QRICH1: variants seen among roughly 807,000 people sequenced by gnomAD.
QRICH1 encodes glutamine rich 1.
In QRICH1, 16 loss-of-function variants were observed where a neutral mutation model predicts 87.1. That is an observed-to-expected ratio of 0.18 (90% confidence interval 0.12 to 0.28). The LOEUF is 0.28. QRICH1 is among the 10% of genes least tolerant of loss of function. The pLI is 1.00. For synonymous variants in QRICH1, 367 were observed against 368.4 expected (o/e 1.00, Z 0.05); for missense variants, 647 against 951.7 (o/e 0.68, Z 4.21).
intron 7 of QRICH1, 172 bp downstream of exon 7, chr3:49,032,948 T>C (rs1575319379): frequency 1.1e-6 from 1 of 948,042 alleles, no homozygotes. Flanking sequence ...GGTAGGGGTC[T>C]GGCAAGGGTG....
rs776957232 is a variant in QRICH1 at position 49,057,232 on chromosome 3, T to C, written c.968A>G (p.Gln323Arg). 1 of 1,614,200 alleles carries C rather than the reference T, an allele frequency of 6.2e-7. No homozygotes were observed. The highest frequency in any genetic ancestry group is 1.1e-5 in the South Asian group (1 of 91,082). Residue 323 changes from glutamine (Q) to arginine (R), a missense_variant, in exon 3 of 10, where the codon CAG (glutamine) becomes CGG (arginine). Physicochemically the swap from Gln to Arg is conservative, Grantham distance 43 (BLOSUM62 1). Around this residue, in one of 7 missense-constraint regions of QRICH1, gnomAD observed 75 missense variants for 141.0 expected, o/e 0.53. Coordinates refer to ENST00000395443, the MANE Select transcript of QRICH1 (RefSeq NM_198880.3). The surrounding 1 kb of genome is among the most constrained non-coding windows in gnomAD (Gnocchi z 5.4). ...GGCAATGTGGGTAATGCTCTGCTGC[T>C]GAGGGTCCCCCCGGGGCTGGGCAGA... ...VYSAQPRGDP[Q>R]QQSITHIAIP...
At chr3:49,049,091 G>C (rs1444778665) in intron 3 of QRICH1, among the ~76,000 whole-genome samples, 1 of 151,742 alleles carries the variant, frequency 6.6e-6, no homozygotes, top group Non-Finnish European at 1.5e-5. Context: ...TCGTAGAGAC[G>C]GCTGTTATTG....
Position 49,032,278 on chromosome 3 carries a change from A to G in QRICH1, c.2048-5T>C. On this transcript the variant is annotated splice_polypyrimidine_tract_variant and splice_region_variant and intron_variant, in intron 8 of 9. Transcript: ENST00000395443. ...CTGCATACATGTCATCTGTAACTAT[A>G]AAACACACATCCCCACCACCACAGA... The G allele has an allele frequency of 1.9e-6, 3 of 1,606,220 alleles. No homozygotes were observed. The highest frequency in any genetic ancestry group is 2.6e-6 in the Non-Finnish European group (3 of 1,172,858).
chr3:49,057,287 T>C lies in QRICH1; in HGVS notation c.913A>G (p.Thr305Ala), dbSNP rs781176662. The C allele has an allele frequency of 3.1e-6, 5 of 1,614,194 alleles. No homozygotes were observed. The highest frequency in any genetic ancestry group is 4.2e-6 in the Non-Finnish European group (5 of 1,180,040). The part of the protein sequence containing the change: ...YSATGTITSP[T>A]GETWTIPVYS... ...ACAGGGATGGTCCAGGTTTCTCCTG[T>C]AGGGCTAGTAATGGTCCCAGTGGCA... is the stretch of plus-strand genomic sequence containing the variant. The change falls in exon 3 of 10, where the codon ACA (threonine) becomes GCA (alanine). Residue 305 changes from threonine (T) to alanine (A), a missense_variant. Physicochemically the swap from Thr to Ala is moderately conservative, Grantham distance 58 (BLOSUM62 0). Coordinates refer to ENST00000395443, the MANE Select transcript of QRICH1 (RefSeq NM_198880.3). This position sits in a 1 kb window ranked among gnomAD's most constrained non-coding sequence, Gnocchi z 5.4.
chr3:49,071,042 A>G (rs2093497412), intron 2 of QRICH1, among the ~76,000 whole-genome samples: 1 of 145,764 alleles, frequency 6.9e-6, no homozygotes, highest in Admixed American at 7.3e-5. Flanking sequence ...AAGTCTCAAA[A>G]AACACTCCAA....
intron 2 of QRICH1, among the ~76,000 whole-genome samples, chr3:49,072,861 G>A (rs529085284): frequency 6.6e-6 from 1 of 152,064 alleles, no homozygotes; most frequent in African/African-American, 2.4e-5. Flanking sequence ...GAGCAACATG[G>A]CGAGAGTCCA....
intron 6 of QRICH1, among the ~76,000 whole-genome samples, chr3:49,042,527 C>A (rs2093316602): frequency 6.6e-6 from 1 of 151,922 alleles, no homozygotes; most frequent in Non-Finnish European, 1.5e-5. Flanking sequence ...GTAAAAACAT[C>A]AGTGGTTTTC....
chr3:49,044,130 C>T (rs2093326675), intron 6 of QRICH1, among the ~76,000 whole-genome samples: 1 of 152,202 alleles, frequency 6.6e-6, no homozygotes, highest in South Asian at 2.1e-4. Flanking sequence ...TTAATCAATA[C>T]ATTTTAATAG....
intron 2 of QRICH1, among the ~76,000 whole-genome samples, chr3:49,066,162 ACTGTGGTC>A (rs1452789703): frequency 1.3e-5 from 2 of 152,064 alleles, no homozygotes; most frequent in East Asian, 3.9e-4. Context: ...TTGTGAGCCA[ACTGTGGTC>A]CCAGCGACTC....
At chr3:49,083,309 G>C (rs910306896) in intron 1 of QRICH1, 2 of 151,762 alleles carry the variant, frequency 1.3e-5, no homozygotes, top group African/African-American at 4.8e-5. Context: ...AGTAGTCCAG[G>C]AGTTCTGGGC....
chr3:49,084,567 C>A (rs1441185286), intron 1 of QRICH1, among the ~76,000 whole-genome samples: 1 of 152,076 alleles, frequency 6.6e-6, no homozygotes, highest in Non-Finnish European at 1.5e-5. Flanking sequence ...ATTGTGAGAC[C>A]AGCCTGGCCA....
chr3:49,033,485 T>C (rs1406694463), intron 6 of QRICH1: 4 of 317,412 alleles, frequency 1.3e-5, no homozygotes, highest in Non-Finnish European at 5.7e-6. Flanking sequence ...TGATTGTTGT[T>C]ACCCTCTAAT....
In QRICH1 at chr3:49,064,801, A is replaced by G. The variant is rs139630997; in HGVS notation, c.310-6911T>C. On this transcript the variant is annotated intron_variant, in intron 2 of 9. Transcript: ENST00000395443. ...GAGGCCAAGGCAGGCAGGGTCACAT[A>G]AGGTCAGGAGTTCGAGACCCGCCTG... Among the ~76,000 whole-genome samples the G allele has an allele frequency of 2.9e-3, 443 of 152,210 alleles. 4 individuals carry two copies. The highest frequency in any genetic ancestry group is 9.7e-3 in the African/African-American group (404 of 41,564).
intron 4 of QRICH1, 48 bp downstream of exon 4, chr3:49,047,021 G>A: frequency 6.3e-7 from 1 of 1,576,328 alleles, no homozygotes; most frequent in Non-Finnish European, 8.6e-7. Flanking sequence ...TGTTACTTTA[G>A]TACCATTGCA....
At chr3:49,032,943 G>A (rs2093251110) in intron 7 of QRICH1, 170 bp from the exon 8 acceptor site, 2 of 969,002 alleles carry the variant, frequency 2.1e-6, no homozygotes, top group African/African-American at 1.7e-5. Context: ...TGGATGGTAG[G>A]GGTCTGGCAA....
intron 6 of QRICH1, among the ~76,000 whole-genome samples, chr3:49,040,003 G>A (rs1332227579): frequency 6.6e-6 from 1 of 152,184 alleles, no homozygotes; most frequent in East Asian, 1.9e-4. Context: ...GGAGGTTGAA[G>A]TCAGCCGAGA....
chr3:49,074,368 C>T (rs1236440237), intron 2 of QRICH1, among the ~76,000 whole-genome samples: 1 of 151,664 alleles, frequency 6.6e-6, no homozygotes, highest in Non-Finnish European at 1.5e-5. Context: ...GTCAGGAGAT[C>T]GAGACCATGC....
At chr3:49,082,523 G>A (rs947084388) in intron 1 of QRICH1, among the ~76,000 whole-genome samples, 8 of 151,924 alleles carry the variant, frequency 5.3e-5, no homozygotes, top group African/African-American at 1.9e-4. Flanking sequence ...ATATTCAGCT[G>A]TCAGAAAAAA....
rs1051903277 is a variant in QRICH1, at chr3:49,060,592, A to C, written c.310-2702T>G. On this transcript the variant is annotated intron_variant, in intron 2 of 9. Transcript: ENST00000395443. ...TGATCCACCAGCCTTGGCCTCCCAA[A>C]GTGCTGGGATTATAGGCGTGAGCCA... 3.9e-5 allele frequency among the ~76,000 whole-genome samples: 6 copies of C among 152,222 alleles called. No homozygotes were observed. The South Asian group carries it at 1.2e-3, about 32-fold the overall frequency.
Sources: allele counts gnomAD v4.1 joint callset (sites outside exome capture counted in the v4.1 genomes callset), GRCh38; gene constraint gnomAD v4.1.1; regional missense constraint gnomAD v4.1.1; non-coding constraint Gnocchi (gnomAD v3.1); transcripts MANE v1.5; gene names NCBI Gene and HGNC (gene_info 2026-07-23, HGNC 2026-07-21).